Variants in TENM2 observed in about 807,000 individuals in gnomAD.
TENM2 encodes the protein teneurin transmembrane protein 2.
A neutral mutation model predicts 245.2 loss-of-function variants in TENM2; 52 were observed. The observed-to-expected ratio is 0.21, with a 90% CI of 0.17 to 0.27. The LOEUF is 0.27. Among genes scored for constraint, TENM2 ranks in the 10% least tolerant of loss-of-function variants. The pLI is 1.00. For missense variants in TENM2, 3,046 were observed against 3,666.8 expected (o/e 0.83, Z 4.37); for synonymous variants, 1,363 against 1,438.9 (o/e 0.95, Z 1.19).
chr5:167,288,314 CTT>C (rs1754412206), intron 1 of TENM2, among the ~76,000 whole-genome samples: 2 of 152,020 alleles, frequency 1.3e-5, no homozygotes, highest in Admixed American at 6.5e-5. Flanking sequence ...AATCCCAGCA[CTT>C]TGGGAGGCCG....
intron 2 of TENM2, among the ~76,000 whole-genome samples, chr5:167,477,021 TA>T (rs995782413): frequency 1.3e-5 from 2 of 152,094 alleles, no homozygotes; most frequent in Non-Finnish European, 2.9e-5. Flanking sequence ...TAATGTTCCA[TA>T]AAAAAAGTGA....
At chr5:167,682,444 T>A (rs1259860008) in intron 2 of TENM2, among the ~76,000 whole-genome samples, 1 of 152,082 alleles carries the variant, frequency 6.6e-6, no homozygotes. Context: ...ATTACAGGCA[T>A]GAGCCACCGT....
At chr5:168,263,689 G>A (rs984792654), downstream of TENM2, 3 of 152,568 alleles carry the variant, frequency 2.0e-5, no homozygotes, top group African/African-American at 7.2e-5. Context: ...TTCCATTGTG[G>A]ACAGTAATAC....
At chr5:167,360,204 A>G (rs1759622485) in intron 1 of TENM2, among the ~76,000 whole-genome samples, 3 of 152,180 alleles carry the variant, frequency 2.0e-5, no homozygotes, top group Admixed American at 2.0e-4. Flanking sequence ...CATTATATCC[A>G]AGTACTTACT....
At chr5:167,996,719 T>TTTTGTTTGTTTGTTTGTTTGTTTG (rs71281808) in intron 5 of TENM2, among the ~76,000 whole-genome samples, 5 of 150,870 alleles carry the variant, frequency 3.3e-5, no homozygotes, top group Non-Finnish European at 7.4e-5. Flanking sequence ...TTGAATCACT[T>TTTTGTTTGTTTGTTTGTTTGTTTG]TTTGTTTGTT....
chr5:168,103,774 A>C lies in TENM2; in HGVS notation c.1813+5647A>C, dbSNP rs913570154. The stretch of plus-strand genomic sequence containing the variant: ...TAAGGCAGAGACGTGGGAAGCCTCG[A>C]TCCCATTGGTCCTGCACAATTTAGC... On this transcript the variant is annotated intron_variant, in intron 9 of 28. Coordinates refer to ENST00000518659, the Ensembl canonical transcript of TENM2. Among the ~76,000 whole-genome samples the C allele has an allele frequency of 2.0e-5, 3 of 152,266 alleles. No individual in the cohort carries two copies. In the South Asian group the frequency reaches 6.2e-4, roughly 32 times the overall value.
In TENM2 at chr5:168,248,221, C is replaced by T. The variant is rs187180819; in HGVS notation, c.7282C>T (p.Arg2428Cys). 77 of 1,614,016 alleles carry T rather than the reference C, an allele frequency of 4.8e-5. 1 individual carries two copies. The Admixed American group carries it at 5.3e-4, about 11-fold the overall frequency. Residue 2428 changes from arginine to cysteine, a missense_variant, in exon 27 of 29, where the codon CGT becomes TGT. Arg to Cys is a radical substitution (Grantham distance 180). Transcript: ENST00000518659. ...GACCAAGCTGGTCCACTTCACTCAG[C>T]GTGATTATGATGTGCTGGCAGGACG... is the stretch of plus-strand genomic sequence containing the variant.
intron 2 of TENM2, among the ~76,000 whole-genome samples, chr5:167,721,919 A>C (rs1759656739): frequency 6.6e-6 from 1 of 152,166 alleles, no homozygotes; most frequent in Admixed American, 6.5e-5. Flanking sequence ...GTTTTATAAC[A>C]CATTAGCTGT....
At chr5:167,700,528 C>T (rs1403509438) in intron 2 of TENM2, among the ~76,000 whole-genome samples, 1 of 152,146 alleles carries the variant, frequency 6.6e-6, no homozygotes, top group African/African-American at 2.4e-5. Context: ...TTAGTTCAGA[C>T]TTCACATAGC....
chr5:167,600,712 C>A (rs1248540746), intron 2 of TENM2, among the ~76,000 whole-genome samples: 1 of 152,172 alleles, frequency 6.6e-6, no homozygotes, highest in African/African-American at 2.4e-5. Context: ...TAACTGTTTT[C>A]TGCCCAAGTA....
intron 2 of TENM2, among the ~76,000 whole-genome samples, chr5:167,624,104 A>C (rs1052455156): frequency 1.3e-5 from 2 of 152,182 alleles, no homozygotes; most frequent in African/African-American, 4.8e-5. Flanking sequence ...TCATTCTACC[A>C]ATAAGAATAC....
At chr5:167,009,086 T>C in the TENM2 span, among the ~76,000 whole-genome samples, 3 of 152,182 alleles carry the variant, frequency 2.0e-5, no homozygotes, top group Non-Finnish European at 4.4e-5. Context: ...CATTGTGCCT[T>C]CCAGCTCAAC....
intron 25 of TENM2, among the ~76,000 whole-genome samples, chr5:168,240,324 G>A (rs947634761): frequency 3.2e-4 from 49 of 152,298 alleles, no homozygotes; most frequent in African/African-American, 1.2e-3. Context: ...TGTCCCATGT[G>A]GTTTAGAATT....
intron 2 of TENM2, among the ~76,000 whole-genome samples, chr5:167,503,970 G>T (rs1484064749): frequency 2.0e-5 from 3 of 152,130 alleles, no homozygotes; most frequent in Non-Finnish European, 4.4e-5. Context: ...ATTAGAGTTG[G>T]GAACAGATCA....
intron 1 of TENM2, among the ~76,000 whole-genome samples, chr5:167,316,647 T>C (rs1361139996): frequency 6.6e-6 from 1 of 152,120 alleles, no homozygotes; most frequent in Non-Finnish European, 1.5e-5. Context: ...CCACACATGT[T>C]TGTATATGTG....
At chr5:167,894,980 AGG>A (rs1561906803) in intron 3 of TENM2, among the ~76,000 whole-genome samples, 3 of 99,560 alleles carry the variant, frequency 3.0e-5, no homozygotes, top group Admixed American at 1.3e-4. Flanking sequence ...GAAGGAAGGA[AGG>A]AAGGAAGGAG....
At chr5:168,052,058 G>A (rs190525578) in intron 6 of TENM2, among the ~76,000 whole-genome samples, 150 of 152,066 alleles carry the variant, frequency 9.9e-4, no homozygotes, top group Non-Finnish European at 1.8e-3. Context: ...CCAGGAGGTC[G>A]AGACCAGCCT....
intron 2 of TENM2, among the ~76,000 whole-genome samples, chr5:167,475,156 T>A (rs1767288148): frequency 6.6e-6 from 1 of 152,220 alleles, no homozygotes. Context: ...TATAGAAATA[T>A]GTTTAATGCA....
At chr5:167,845,182 C>T (rs1315848145) in intron 2 of TENM2, among the ~76,000 whole-genome samples, 2 of 150,558 alleles carry the variant, frequency 1.3e-5, no homozygotes, top group African/African-American at 4.9e-5. Flanking sequence ...TAATGTTTTA[C>T]AAGTAGAAGC....
Sources: allele counts gnomAD v4.1 joint callset (sites outside exome capture counted in the v4.1 genomes callset), GRCh38; gene constraint gnomAD v4.1.1; transcripts MANE v1.5; gene names NCBI Gene and HGNC (gene_info 2026-07-23, HGNC 2026-07-21).